PGRMC2: variants seen among roughly 807,000 people sequenced by gnomAD.
The protein encoded by PGRMC2 is membrane-associated progesterone receptor component 2.
PGRMC2 carries 9 observed loss-of-function variants against 19.3 expected under a neutral mutation model. The observed-to-expected ratio is 0.47, with a 90% confidence interval of 0.28 to 0.81. PGRMC2 has a LOEUF of 0.81. PGRMC2 is among the 40% of genes least tolerant of loss of function. The pLI, the probability that PGRMC2 is intolerant of heterozygous loss-of-function variation, is 0.11. For synonymous variants in PGRMC2, 157 were observed against 124.6 expected (o/e 1.26, Z -1.73); for missense variants, 289 against 297.3 (o/e 0.97, Z 0.21).
rs552112403 is a variant in PGRMC2, at chr4:128,270,012, A to G, written c.*1304T>C. The G allele has an allele frequency of 2.0e-5, 3 of 152,800 alleles. No homozygotes were observed. The highest frequency in any genetic ancestry group is 2.1e-4 in the South Asian group (1 of 4,830). The allele number at this position is 152,800 out of a possible 1,614,324, so 9.5% of individuals were successfully genotyped here. A position where few individuals can be genotyped will look rare whatever the true frequency, so the allele number is the denominator to read the frequency against. ...TGCTGAATGTGGTACAATGTGTACA[A>G]CTTGGTTAACCAGTGCCTGCTTTTC... On this transcript the variant is annotated 3_prime_UTR_variant, in exon 3 of 3. Coordinates refer to ENST00000296425, the MANE Select transcript of PGRMC2 (RefSeq NM_006320.6).
At chr4:128,285,186 C>T (rs186253590) in intron 1 of PGRMC2, among the ~76,000 whole-genome samples, 7 of 152,096 alleles carry the variant, frequency 4.6e-5, no homozygotes, top group Admixed American at 3.3e-4. Flanking sequence ...AGTGCAATGG[C>T]GCAATCTCGG....
chr4:128,277,998 C>T (rs1391850921), intron 1 of PGRMC2, among the ~76,000 whole-genome samples: 1 of 152,164 alleles, frequency 6.6e-6, no homozygotes, highest in East Asian at 1.9e-4. Flanking sequence ...AATCTTGCTT[C>T]TGAAATTTGA....
chr4:128,287,222 G>C (rs1482606485), intron 1 of PGRMC2, 151 bp downstream of exon 1: 2 of 784,596 alleles, frequency 2.5e-6, no homozygotes, highest in Non-Finnish European at 4.0e-6. Flanking sequence ...GTAGGGGCGG[G>C]ATGGGCCGTC....
Position 128,269,390 on chromosome 4 carries a change from T to C in PGRMC2, c.*1926A>G, listed in dbSNP as rs956045522. On this transcript the variant is annotated 3_prime_UTR_variant, in exon 3 of 3. Coordinates refer to ENST00000296425, the MANE Select transcript of PGRMC2 (RefSeq NM_006320.6). Reference sequence around the variant, plus strand: ...TTTATTACTAGACTTTAGGCTTGAATGATTCATATATATAGATATCAGTTT... The same window carrying C: ...TTTATTACTAGACTTTAGGCTTGAACGATTCATATATATAGATATCAGTTT... 2 of 152,212 alleles carry C rather than the reference T, an allele frequency of 1.3e-5. No homozygotes were observed. The highest frequency in any genetic ancestry group is 4.8e-5 in the African/African-American group (2 of 41,456). The allele number at this position is 152,212 out of a possible 1,614,324, so 9.4% of individuals were successfully genotyped here. A position where few individuals can be genotyped will look rare whatever the true frequency, so the allele number is the denominator to read the frequency against.
Position 128,271,102 on chromosome 4 carries a change from C to A in PGRMC2, c.*214G>T. On this transcript the variant is annotated 3_prime_UTR_variant, in exon 3 of 3. Transcript: ENST00000296425. ...TCCTTCTTTTCAGGATGATGAAGCC[C>A]CACTAGACATTACAAACAACTGCAA... 1 of 383,764 alleles carries A rather than the reference C, an allele frequency of 2.6e-6. No homozygotes were observed. The highest frequency in any genetic ancestry group is 4.7e-6 in the Non-Finnish European group (1 of 214,872). The allele number at this position is 383,764 out of a possible 1,614,324, so 23.8% of individuals were successfully genotyped here.
intron 1 of PGRMC2, among the ~76,000 whole-genome samples, chr4:128,283,286 C>A (rs1473404994): frequency 6.6e-6 from 1 of 152,208 alleles, no homozygotes; most frequent in Non-Finnish European, 1.5e-5. Context: ...AGTGTTGCCA[C>A]CTACTAGATA....
At chr4:128,284,709 T>C (rs756193549) in intron 1 of PGRMC2, among the ~76,000 whole-genome samples, 4 of 152,356 alleles carry the variant, frequency 2.6e-5, no homozygotes, top group South Asian at 2.1e-4. Context: ...TGGCTAGGCA[T>C]AGAAACTAAC....
chr4:128,280,775 T>C (rs1186116984), intron 1 of PGRMC2, among the ~76,000 whole-genome samples: 2 of 152,110 alleles, frequency 1.3e-5, no homozygotes, highest in Non-Finnish European at 2.9e-5. Context: ...TTTTTTATAT[T>C]TTTGTAAGAG....
intron 1 of PGRMC2, among the ~76,000 whole-genome samples, chr4:128,275,863 C>T (rs1760803278): frequency 6.6e-6 from 1 of 152,064 alleles, no homozygotes; most frequent in Non-Finnish European, 1.5e-5. Context: ...ATAGCTGGGA[C>T]TAGAAGCATG....
chr4:128,271,005 A>AAAGGAAAGAAGGAAAAAAGG lies in PGRMC2; in HGVS notation c.*291_*310dup, dbSNP rs1343270480. Reference sequence around the variant, plus strand: ...TTAAAAAGAAAGAAAGAGAAAGAAGAAAGGAAAGAAGGAAAAAAGGAAGGA... The same window carrying AAAGGAAAGAAGGAAAAAAGG: ...TTAAAAAGAAAGAAAGAGAAAGAAGAAAGGAAAGAAGGAAAAAAGGAAGGAAAGAAGGAAAAAAGGAAGGA... On this transcript the variant is annotated 3_prime_UTR_variant, in exon 3 of 3. Transcript: ENST00000296425. 5.0e-6 allele frequency: 1 copy of AAAGGAAAGAAGGAAAAAAGG among 199,766 alleles called. No individual in the cohort carries two copies. The highest frequency in any genetic ancestry group is 1.0e-5 in the Non-Finnish European group (1 of 99,556). 12.4% of individuals were successfully genotyped at this position (199,766 alleles called of 1,614,324 possible).
chr4:128,270,913 T>C lies in PGRMC2; in HGVS notation c.*403A>G, dbSNP rs931773034. The C allele has an allele frequency of 1.3e-5, 2 of 154,564 alleles. No homozygotes were observed. Among genetic ancestry groups the C allele is most frequent in the African/African-American group, 4.8e-5 (2 of 41,488 alleles). 9.6% of individuals were successfully genotyped at this position (154,564 alleles called of 1,614,324 possible). A position where few individuals can be genotyped will look rare whatever the true frequency, so the allele number is the denominator to read the frequency against. On this transcript the variant is annotated 3_prime_UTR_variant, in exon 3 of 3. Coordinates refer to ENST00000296425, the MANE Select transcript of PGRMC2 (RefSeq NM_006320.6). Reference sequence around the variant, plus strand: ...ACACAGTATGTGACACAGGAGTCCCTTGATGTTTCTTGAGGAGATCTGTAC... The same window carrying C: ...ACACAGTATGTGACACAGGAGTCCCCTGATGTTTCTTGAGGAGATCTGTAC...
At chr4:128,282,747 T>C (rs1760927209) in intron 1 of PGRMC2, among the ~76,000 whole-genome samples, 1 of 152,206 alleles carries the variant, frequency 6.6e-6, no homozygotes, top group Non-Finnish European at 1.5e-5. Context: ...ATAGGTAAGA[T>C]TGGGTCCAGT....
At chr4:128,286,887 A>G in intron 1 of PGRMC2, 1 of 395,028 alleles carries the variant, frequency 2.5e-6, no homozygotes, top group East Asian at 3.6e-5. Context: ...GCAAAAAAAA[A>G]AAAAAAGGGG....
rs767532332 is a variant in PGRMC2, at chr4:128,287,490, G to C, written c.301C>G (p.Arg101Gly). 3.1e-6 allele frequency: 5 copies of C among 1,613,178 alleles called. No individual in the cohort carries two copies. In the South Asian group the frequency reaches 3.3e-5, roughly 11 times the overall value. The change falls in exon 1 of 3, where the codon CGG becomes GGG. Residue 101 changes from arginine (R) to glycine (G), a missense_variant. Coordinates refer to ENST00000296425, the MANE Select transcript of PGRMC2 (RefSeq NM_006320.6). ...CGCAGCTGCTCCAAGCTGAAGTCCCGCTTCTTCATGCGAGGCAGAGAGGTG... is the reference window on the plus strand; with the variant it reads ...CGCAGCTGCTCCAAGCTGAAGTCCCCCTTCTTCATGCGAGGCAGAGAGGTG... ...PATSLPRMKK[R>G]DFSLEQLRQY...
chr4:128,271,074 G>C lies in PGRMC2; in HGVS notation c.*242C>G, dbSNP rs1760721754. On this transcript the variant is annotated 3_prime_UTR_variant, in exon 3 of 3. Transcript: ENST00000296425. ...TTTCTTGCTCTTTAAAAAAATCCCTGTCTCCTTCTTTTCAGGATGATGAAG... is the reference window on the plus strand; with the variant it reads ...TTTCTTGCTCTTTAAAAAAATCCCTCTCTCCTTCTTTTCAGGATGATGAAG... 6.1e-6 allele frequency: 2 copies of C among 330,494 alleles called. No individual in the cohort carries two copies. The highest frequency in any genetic ancestry group is 1.1e-5 in the Non-Finnish European group (2 of 183,028). The allele number at this position is 330,494 out of a possible 1,614,324, so 20.5% of individuals were successfully genotyped here. A position where few individuals can be genotyped will look rare whatever the true frequency, so the allele number is the denominator to read the frequency against.
chr4:128,286,526 T>C (rs1054852239), intron 1 of PGRMC2: 1 of 396,124 alleles, frequency 2.5e-6, no homozygotes, highest in African/African-American at 2.1e-5. Flanking sequence ...CTTCTAAGTT[T>C]TTTCTCCTTA....
intron 1 of PGRMC2, among the ~76,000 whole-genome samples, chr4:128,282,094 C>T (rs956720692): frequency 6.6e-6 from 1 of 152,178 alleles, no homozygotes; most frequent in Non-Finnish European, 1.5e-5. Flanking sequence ...TTGTTTACTG[C>T]CTCTCTTCCT....
chr4:128,287,495 T>C lies in PGRMC2; in HGVS notation c.296A>G (p.Lys99Arg), dbSNP rs1399986614. Residue 99 changes from lysine (K) to arginine (R), a missense_variant, in exon 1 of 3, where the codon AAG becomes AGG. Physicochemically the swap from Lys to Arg is conservative, Grantham distance 26. Transcript: ENST00000296425. ...CTGCTCCAAGCTGAAGTCCCGCTTC[T>C]TCATGCGAGGCAGAGAGGTGGCGGG... ...ESPATSLPRMKKRDFSLEQLR... is the reference protein window; with the variant it reads ...ESPATSLPRMRKRDFSLEQLR... 3 of 1,613,110 alleles carry C rather than the reference T, an allele frequency of 1.9e-6. No homozygotes were observed. The highest frequency in any genetic ancestry group is 2.2e-5 in the East Asian group (1 of 44,848).
intron 1 of PGRMC2, among the ~76,000 whole-genome samples, chr4:128,284,514 G>A (rs558997469): frequency 6.6e-6 from 1 of 152,084 alleles, no homozygotes; most frequent in East Asian, 1.9e-4. Context: ...ATTTAATATT[G>A]GCAAATACAG....
Sources: gnomAD v4.1 joint callset for allele counts (sites outside exome capture counted in the v4.1 genomes callset) on GRCh38, gnomAD v4.1.1 for gene constraint, MANE v1.5 for transcripts, NCBI Gene and HGNC (gene_info 2026-07-23, HGNC 2026-07-21) for gene names.